Variants in IQCM observed in about 807,000 individuals in gnomAD.
The protein encoded by IQCM is IQ domain-containing protein M.
In IQCM, 45 loss-of-function variants were observed where a neutral mutation model predicts 57.6. The observed-to-expected ratio is 0.78, with a 90% confidence interval of 0.62 to 1.00. The LOEUF (loss-of-function observed/expected upper bound fraction) is 1.00. Among genes scored for constraint, IQCM ranks in the 50% least tolerant of loss-of-function variants. The probability of loss-of-function intolerance (pLI) is 0.00; values close to 1 mark genes in which losing one functional copy is unlikely to be tolerated. For synonymous variants in IQCM, 148 were observed against 158.9 expected (o/e 0.93, Z 0.51); for missense variants, 468 against 511.6 (o/e 0.91, Z 0.82).
chr4:149,669,290 G>T (rs1366166938), intron 7 of IQCM, among the ~76,000 whole-genome samples: 2 of 152,092 alleles, frequency 1.3e-5, no homozygotes, highest in African/African-American at 4.8e-5. Flanking sequence ...TTCGAGAAGT[G>T]TCTATTCATA....
chr4:149,564,321 T>A (rs1750407161), intron 9 of IQCM, among the ~76,000 whole-genome samples: 1 of 152,172 alleles, frequency 6.6e-6, no homozygotes. Flanking sequence ...ATTCAAATGC[T>A]TTGAATTGAG....
At chr4:149,602,374 T>C (rs1299417269) in intron 8 of IQCM, among the ~76,000 whole-genome samples, 1 of 152,166 alleles carries the variant, frequency 6.6e-6, no homozygotes, top group African/African-American at 2.4e-5. Flanking sequence ...TTCATTACAT[T>C]TATTTCATAG....
chr4:149,771,331 C>T (rs1770558326), intron 2 of IQCM, among the ~76,000 whole-genome samples: 1 of 151,932 alleles, frequency 6.6e-6, no homozygotes, highest in African/African-American at 2.4e-5. Flanking sequence ...ATCACAAGTT[C>T]CAAGTCATAT....
chr4:149,480,360 T>C (rs1244463203), intron 12 of IQCM, among the ~76,000 whole-genome samples: 1 of 152,150 alleles, frequency 6.6e-6, no homozygotes, highest in African/African-American at 2.4e-5. Flanking sequence ...GTCTTATTTA[T>C]TTTTTCTTTG....
chr4:149,667,308 G>A (rs1466840888), intron 7 of IQCM, among the ~76,000 whole-genome samples: 1 of 152,156 alleles, frequency 6.6e-6, no homozygotes, highest in Non-Finnish European at 1.5e-5. Context: ...TGGACCTCCA[G>A]CAAACTCCAG....
chr4:149,613,188 C>T (rs765631452), intron 8 of IQCM, among the ~76,000 whole-genome samples: 1 of 151,736 alleles, frequency 6.6e-6, no homozygotes, highest in African/African-American at 2.4e-5. Context: ...AATTACAGTA[C>T]CTCCTCAAAT....
At chr4:149,476,004 G>T (rs1160487766) in intron 12 of IQCM, among the ~76,000 whole-genome samples, 1 of 152,100 alleles carries the variant, frequency 6.6e-6, no homozygotes, top group African/African-American at 2.4e-5. Flanking sequence ...GATGACAGAG[G>T]TGAAGGTTTT....
intron 12 of IQCM, among the ~76,000 whole-genome samples, chr4:149,516,439 A>C (rs777801959): frequency 8.0e-4 from 121 of 152,192 alleles, no homozygotes; most frequent in Non-Finnish European, 1.4e-3. Flanking sequence ...GCTCATGCTC[A>C]TGGAATTCAC....
chr4:149,442,394 A>T (rs1736028267), intron 12 of IQCM, among the ~76,000 whole-genome samples: 2 of 152,064 alleles, frequency 1.3e-5, no homozygotes, highest in South Asian at 4.1e-4. Flanking sequence ...CTGGCATTTT[A>T]CTATAAGCAA....
chr4:149,520,369 G>T (rs1352947649), intron 12 of IQCM, among the ~76,000 whole-genome samples: 1 of 152,010 alleles, frequency 6.6e-6, no homozygotes, highest in Non-Finnish European at 1.5e-5. Context: ...GTTTTCCTGG[G>T]TGGTTCACCA....
chr4:149,755,002 C>T (rs1768828201), intron 2 of IQCM, among the ~76,000 whole-genome samples: 1 of 152,178 alleles, frequency 6.6e-6, no homozygotes, highest in African/African-American at 2.4e-5. Context: ...TGAGGCCAGA[C>T]AATCATCTTT....
At chr4:149,718,681 G>T (rs1338822785) in intron 5 of IQCM, among the ~76,000 whole-genome samples, 1 of 152,202 alleles carries the variant, frequency 6.6e-6, no homozygotes, top group Non-Finnish European at 1.5e-5. Flanking sequence ...TGGCAGGGCT[G>T]CTCTCCTTCA....
intron 7 of IQCM, among the ~76,000 whole-genome samples, chr4:149,624,723 A>G (rs1209203803): frequency 6.6e-6 from 1 of 152,220 alleles, no homozygotes; most frequent in African/African-American, 2.4e-5. Context: ...GGATATCAGC[A>G]AAAGACCCAA....
chr4:149,390,391 T>C (rs1731760803), intron 13 of IQCM, among the ~76,000 whole-genome samples: 1 of 151,884 alleles, frequency 6.6e-6, no homozygotes, highest in Non-Finnish European at 1.5e-5. Flanking sequence ...GTTTTACTTC[T>C]TCCTTCTCCA....
intron 8 of IQCM, among the ~76,000 whole-genome samples, chr4:149,591,791 T>C (rs1753205758): frequency 6.6e-6 from 1 of 152,182 alleles, no homozygotes; most frequent in Non-Finnish European, 1.5e-5. Flanking sequence ...CTCATCCTTT[T>C]TTATGTCTGC....
At position 149,502,998 on chromosome 4, in the gene IQCM, GAGA is replaced by G. The variant is rs1468429879; in HGVS notation, c.1228+45454_1228+45456del. Among the ~76,000 whole-genome samples the G allele has an allele frequency of 2.0e-5, 3 of 152,058 alleles. No individual in the cohort carries two copies. In the South Asian group the frequency reaches 6.2e-4, roughly 32 times the overall value. The stretch of plus-strand genomic sequence containing the variant: ...TCCTAATACTTTGAGAGACTGAAGT[GAGA>G]AGATTTTTCAAGACCAGCCTGGGCA... On this transcript the variant is annotated intron_variant, in intron 12 of 13. Coordinates refer to ENST00000636793, the MANE Select transcript of IQCM (RefSeq NM_001363507.2).
intron 2 of IQCM, among the ~76,000 whole-genome samples, chr4:149,806,592 A>T (rs1027719396): frequency 6.6e-6 from 1 of 151,940 alleles, no homozygotes; most frequent in Admixed American, 6.6e-5. Flanking sequence ...TTGTCTTTCT[A>T]TGCCTAGAAA....
intron 13 of IQCM, among the ~76,000 whole-genome samples, chr4:149,404,098 A>C (rs1451835220): frequency 6.6e-6 from 1 of 152,014 alleles, no homozygotes; most frequent in Admixed American, 6.6e-5. Context: ...GTAAGACAGA[A>C]TTTCTTCCCT....
At chr4:149,625,443 T>C (rs1388100485) in intron 7 of IQCM, among the ~76,000 whole-genome samples, 1 of 152,194 alleles carries the variant, frequency 6.6e-6, no homozygotes, top group Non-Finnish European at 1.5e-5. Context: ...AAGAGAAAAG[T>C]ATAACAAGCT....
Sources: gnomAD v4.1 joint callset for allele counts (sites outside exome capture counted in the v4.1 genomes callset) on GRCh38, gnomAD v4.1.1 for gene constraint, MANE v1.5 for transcripts, NCBI Gene and HGNC (gene_info 2026-07-23, HGNC 2026-07-21) for gene names.